IGFBP3: variants seen among roughly 807,000 people sequenced by gnomAD.
IGFBP3 encodes the protein insulin like growth factor binding protein 3.
IGFBP3 carries 9 observed loss-of-function variants against 28.6 expected under a neutral mutation model. The observed-to-expected ratio is 0.31, with a 90% CI of 0.19 to 0.55. IGFBP3 has a LOEUF of 0.55. Among genes scored for constraint, IGFBP3 ranks in the 20% least tolerant of loss-of-function variants. The pLI, the probability that IGFBP3 is intolerant of heterozygous loss-of-function variation, is 0.93. For synonymous variants in IGFBP3, 185 were observed against 188.2 expected (o/e 0.98, Z 0.14); for missense variants, 382 against 428.9 (o/e 0.89, Z 0.97).
intron 1 of IGFBP3, among the ~76,000 whole-genome samples, chr7:45,917,694 A>G (rs535891382): frequency 1.3e-5 from 2 of 152,212 alleles, no homozygotes; most frequent in Non-Finnish European, 2.9e-5. Context: ...AGCTGCAACT[A>G]AAGAAGGCAG....
chr7:45,914,750 T>C, intron 4 of IGFBP3, 55 bp downstream of exon 4: 1 of 1,570,014 alleles, frequency 6.4e-7, no homozygotes, highest in Non-Finnish European at 8.7e-7. Context: ...CCCCTGAGGC[T>C]GGTCCAAGGA....
Position 45,914,953 on chromosome 7 carries a change from A to C in IGFBP3, c.751-8T>G. On this transcript the variant is annotated splice_polypyrimidine_tract_variant and splice_region_variant and intron_variant, in intron 3 of 4. Transcript: ENST00000613132. ...GCCTTTGGAAGGGCGACACTGTGGG[A>C]GAGAAACAGAAGACAGAGAAGTGAA... 1.2e-6 allele frequency: 2 copies of C among 1,613,728 alleles called. No individual in the cohort carries two copies. Among genetic ancestry groups the C allele is most frequent in the Non-Finnish European group, 1.7e-6 (2 of 1,179,868 alleles).
chr7:45,916,737 T>G lies in IGFBP3; in HGVS notation c.631-70A>C, dbSNP rs370143530. 6.5e-6 allele frequency: 10 copies of G among 1,536,984 alleles called. No homozygotes were observed. The East Asian group carries it at 6.9e-5, about 11-fold the overall frequency. Reference sequence around the variant, plus strand: ...TCTAGAATGTGTGCTTTAAAAATCTTACGATGCTGCACAACTACCAAAAGT... The same window carrying G: ...TCTAGAATGTGTGCTTTAAAAATCTGACGATGCTGCACAACTACCAAAAGT... On this transcript the variant is annotated intron_variant, in intron 2 of 4. Coordinates refer to ENST00000613132, the MANE Select transcript of IGFBP3 (RefSeq NM_000598.5).
intron 1 of IGFBP3, 136 bp downstream of exon 1, chr7:45,920,602 G>T: frequency 1.1e-6 from 1 of 874,214 alleles, no homozygotes; most frequent in Non-Finnish European, 1.5e-6. Context: ...TTCCCGGAGC[G>T]CCTTCAGTTT....
intron 4 of IGFBP3, chr7:45,914,410 G>T (rs1339370558): frequency 6.5e-6 from 1 of 154,540 alleles, no homozygotes; most frequent in East Asian, 1.9e-4. Context: ...TTAGAAACAT[G>T]TATCTTTAGC....
intron 3 of IGFBP3, among the ~76,000 whole-genome samples, chr7:45,916,209 C>T (rs1162872826): frequency 1.3e-5 from 2 of 152,184 alleles, no homozygotes; most frequent in Non-Finnish European, 2.9e-5. Context: ...CCTGACGCAG[C>T]ATTAACAAAT....
chr7:45,919,731 A>T (rs971597903), intron 1 of IGFBP3, among the ~76,000 whole-genome samples: 1 of 152,210 alleles, frequency 6.6e-6, no homozygotes, highest in Non-Finnish European at 1.5e-5. Flanking sequence ...GAGGCTGGCT[A>T]AGAATGCTTG....
At chr7:45,917,855 G>A (rs1784635120) in intron 1 of IGFBP3, among the ~76,000 whole-genome samples, 1 of 152,210 alleles carries the variant, frequency 6.6e-6, no homozygotes, top group Non-Finnish European at 1.5e-5. Context: ...CGCGGGAGCA[G>A]CGGCAGCCCG....
In IGFBP3 at chr7:45,917,242, A is replaced by T. The variant is rs779762349; in HGVS notation, c.601T>A (p.Ser201Thr). 1.2e-6 allele frequency: 2 copies of T among 1,613,848 alleles called. No homozygotes were observed. The highest frequency in any genetic ancestry group is 1.7e-6 in the Non-Finnish European group (2 of 1,179,872). ...TCTGTCTCCCGCTTGGACTCGGAGG[A>T]GAAGTTCTGGGTATCTGTGCTCTGA... ...ESQSTDTQNFSSESKRETEYG... is the reference protein window; with the variant it reads ...ESQSTDTQNFTSESKRETEYG... Residue 201 changes from serine (S) to threonine (T), a missense_variant, in exon 2 of 5, where the codon TCC becomes ACC. By Grantham distance (58) the Ser-to-Thr change is moderately conservative (BLOSUM62 1). Transcript: ENST00000613132.
In IGFBP3 at chr7:45,914,801, T is replaced by C; in HGVS notation, c.*15+4A>G. The C allele has an allele frequency of 6.2e-7, 1 of 1,613,356 alleles. No homozygotes were observed. The highest frequency in any genetic ancestry group is 1.1e-5 in the South Asian group (1 of 91,034). On this transcript the variant is annotated splice_donor_region_variant and intron_variant, in intron 4 of 4. Coordinates refer to ENST00000613132, the MANE Select transcript of IGFBP3 (RefSeq NM_000598.5). Reference sequence around the variant, plus strand: ...GCCCCAGGCTGCCCCTCCTGAGTACTCACCCTTGCGGCAGGCGTCTACTTG... The same window carrying C: ...GCCCCAGGCTGCCCCTCCTGAGTACCCACCCTTGCGGCAGGCGTCTACTTG...
chr7:45,917,691 A>G (rs1319637153), intron 1 of IGFBP3, among the ~76,000 whole-genome samples: 5 of 152,214 alleles, frequency 3.3e-5, no homozygotes, highest in Non-Finnish European at 7.3e-5. Context: ...AGTAGCTGCA[A>G]CTAAAGAAGG....
At chr7:45,919,924 C>CT (rs1291528538) in intron 1 of IGFBP3, 3 of 150,810 alleles carry the variant, frequency 2.0e-5, no homozygotes, top group East Asian at 2.0e-4. Context: ...TCATTCCCCC[C>CT]CCCATTTCAG....
chr7:45,917,762 A>AGGG (rs1784633627), intron 1 of IGFBP3, among the ~76,000 whole-genome samples: 5 of 152,172 alleles, frequency 3.3e-5, no homozygotes, highest in Admixed American at 3.3e-4. Context: ...TTCCACCGGC[A>AGGG]GGGGGCAGAC....
Position 45,921,023 on chromosome 7 carries a change from A to C in IGFBP3, c.118T>G (p.Cys40Gly). The change falls in exon 1 of 5, where the codon TGC becomes GGC. Residue 40 changes from cysteine to glycine, a missense_variant. Transcript: ENST00000613132. ...SSAGLGPVVR[C>G]EPCDARALAQ... ...AGTGCACGCGCGTCGCACGGCTCGC[A>C]GCGCACCACGGGACCCAAGCCCGCC... 2 of 1,413,292 alleles carry C rather than the reference A, an allele frequency of 1.4e-6. No individual in the cohort carries two copies. The highest frequency in any genetic ancestry group is 1.8e-6 in the Non-Finnish European group (2 of 1,091,670). 87.5% of individuals were successfully genotyped at this position (1,413,292 alleles called of 1,614,324 possible).
intron 1 of IGFBP3, 135 bp from the exon 2 acceptor site, chr7:45,917,574 A>C: frequency 6.7e-6 from 1 of 149,352 alleles, no homozygotes; most frequent in Middle Eastern, 1.7e-3. Flanking sequence ...TTTTTTTTTT[A>C]AAATACCTCG....
Position 45,921,259 on chromosome 7 carries a change from C to T in IGFBP3, c.-119G>A. On this transcript the variant is annotated 5_prime_UTR_variant, in exon 1 of 5. Coordinates refer to ENST00000613132, the MANE Select transcript of IGFBP3 (RefSeq NM_000598.5). ...GCGGCTGATCCTCAGCGCCCAGCCG[C>T]AGTGCTCGCATCTGGGCGGCCCGGG... 1 of 1,233,482 alleles carries T rather than the reference C, an allele frequency of 8.1e-7. No individual in the cohort carries two copies. The highest frequency in any genetic ancestry group is 1.1e-6 in the Non-Finnish European group (1 of 888,290). 76.4% of individuals were successfully genotyped at this position (1,233,482 alleles called of 1,614,324 possible). A position where few individuals can be genotyped will look rare whatever the true frequency, so the allele number is the denominator to read the frequency against.
chr7:45,914,729 G>A, intron 4 of IGFBP3, 76 bp downstream of exon 4: 1 of 1,456,686 alleles, frequency 6.9e-7, no homozygotes, highest in South Asian at 1.3e-5. Flanking sequence ...AGGGCCAGTG[G>A]CCACGCCCAG....
At chr7:45,914,997 C>A in intron 3 of IGFBP3, 52 bp from the exon 4 acceptor site, 1 of 1,605,906 alleles carries the variant, frequency 6.2e-7, no homozygotes, top group South Asian at 1.1e-5. Context: ...GGTCTGGTGT[C>A]AGGTCGGTGG....
In IGFBP3 at chr7:45,916,545, C is replaced by A; in HGVS notation, c.750+3G>T. ...AAGAAAACACACTGAGGACCTCACTCACCTGCTTTTTCTTATAAAATCCCT... is the reference window on the plus strand; with the variant it reads ...AAGAAAACACACTGAGGACCTCACTAACCTGCTTTTTCTTATAAAATCCCT... On this transcript the variant is annotated splice_donor_region_variant and intron_variant, in intron 3 of 4. Transcript: ENST00000613132. 1.9e-6 allele frequency: 3 copies of A among 1,609,932 alleles called. No homozygotes were observed. Among genetic ancestry groups the A allele is most frequent in the East Asian group, 2.2e-5 (1 of 44,716 alleles).
Sources: gnomAD v4.1 joint callset for allele counts (sites outside exome capture counted in the v4.1 genomes callset) on GRCh38, gnomAD v4.1.1 for gene constraint, MANE v1.5 for transcripts, NCBI Gene and HGNC (gene_info 2026-07-23, HGNC 2026-07-21) for gene names.